The following FCRL2 variants were observed in gnomAD, a reference collection of about 807,000 sequenced individuals.
FCRL2 encodes the protein Fc receptor like 2, also known as Fc receptor-like protein 2.
FCRL2 carries 48 observed loss-of-function variants against 59.8 expected under a neutral mutation model. The ratio of observed to expected loss-of-function variants is 0.80; its 90% CI spans 0.64 to 1.02. The LOEUF is 1.02. FCRL2 is among the 50% of genes least tolerant of loss of function. The pLI, the probability that FCRL2 is intolerant of heterozygous loss-of-function variation, is 0.00. For missense variants in FCRL2, 658 were observed against 597.3 expected (o/e 1.10, Z -1.06); for synonymous variants, 251 against 229.5 (o/e 1.09, Z -0.85).
At chr1:157,764,584 G>T (rs1649357441) in intron 7 of FCRL2, among the ~76,000 whole-genome samples, 1 of 152,170 alleles carries the variant, frequency 6.6e-6, no homozygotes, top group African/African-American at 2.4e-5. Flanking sequence ...CACAAAACAA[G>T]TCTCAACAAA....
intron 7 of FCRL2, among the ~76,000 whole-genome samples, chr1:157,753,367 A>G (rs981985041): frequency 6.6e-6 from 1 of 152,206 alleles, no homozygotes; most frequent in African/African-American, 2.4e-5. Context: ...GGGGATTCCC[A>G]GGACTCTTTC....
At chr1:157,750,756 C>A (rs1395529696) in intron 7 of FCRL2, among the ~76,000 whole-genome samples, 4 of 152,194 alleles carry the variant, frequency 2.6e-5, no homozygotes, top group Non-Finnish European at 5.9e-5. Flanking sequence ...AAGTAAGGGG[C>A]AGTCAGTCAT....
intron 7 of FCRL2, among the ~76,000 whole-genome samples, chr1:157,753,985 TAAATA>T (rs1648393991): frequency 6.6e-6 from 1 of 152,102 alleles, no homozygotes; most frequent in Non-Finnish European, 1.5e-5. Flanking sequence ...AAAAGATAAT[TAAATA>T]AATCACATAG....
At chr1:157,761,803 A>G (rs992923230) in intron 7 of FCRL2, among the ~76,000 whole-genome samples, 3 of 152,162 alleles carry the variant, frequency 2.0e-5, no homozygotes, top group African/African-American at 7.2e-5. Context: ...CATTACAAAA[A>G]CATATAGTCA....
intron 2 of FCRL2, among the ~76,000 whole-genome samples, chr1:157,773,895 A>AC (rs1207343858): frequency 6.6e-6 from 1 of 152,014 alleles, no homozygotes; most frequent in Non-Finnish European, 1.5e-5. Context: ...AATCATGCTG[A>AC]CCCCCAGAGG....
At chr1:157,764,159 G>T (rs1416512860) in intron 7 of FCRL2, among the ~76,000 whole-genome samples, 1 of 151,840 alleles carries the variant, frequency 6.6e-6, no homozygotes, top group Non-Finnish European at 1.5e-5. Context: ...AGCAGAGATT[G>T]CGCCACCGCA....
chr1:157,768,807 T>C (rs927074821), intron 4 of FCRL2, 106 bp from the exon 5 acceptor site: 1 of 1,103,924 alleles, frequency 9.1e-7, no homozygotes, highest in Admixed American at 2.3e-5. Flanking sequence ...GGAGATTGTA[T>C]AGATAATCCA....
At chr1:157,765,891 A>T (rs1348919474) in intron 7 of FCRL2, among the ~76,000 whole-genome samples, 1 of 152,166 alleles carries the variant, frequency 6.6e-6, no homozygotes, top group Non-Finnish European at 1.5e-5. Flanking sequence ...TCATTATCAC[A>T]CTTGCTTTTT....
chr1:157,760,703 G>GAAAGAA (rs56194773), intron 7 of FCRL2, among the ~76,000 whole-genome samples: 1 of 79,030 alleles, frequency 1.3e-5, no homozygotes, highest in African/African-American at 5.6e-5. Flanking sequence ...AAGAAGGAAA[G>GAAAGAA]AAAGAAAGAA....
At chr1:157,759,966 C>T (rs886359840) in intron 7 of FCRL2, among the ~76,000 whole-genome samples, 3 of 152,114 alleles carry the variant, frequency 2.0e-5, no homozygotes, top group Admixed American at 6.5e-5. Context: ...GAATATAAAT[C>T]GTTCTACTGT....
intron 7 of FCRL2, among the ~76,000 whole-genome samples, chr1:157,758,297 G>C (rs1449516688): frequency 1.3e-5 from 2 of 152,146 alleles, no homozygotes; most frequent in African/African-American, 4.8e-5. Context: ...GTAGCAGAGA[G>C]GGGTAAAGAA....
intron 7 of FCRL2, among the ~76,000 whole-genome samples, chr1:157,750,237 T>G (rs1006566838): frequency 1.2e-4 from 18 of 152,342 alleles, no homozygotes; most frequent in African/African-American, 4.3e-4. Context: ...TTAGCATAGA[T>G]GTATCAGCTG....
At chr1:157,770,752 A>G in intron 2 of FCRL2, 86 bp from the exon 3 acceptor site, 7 of 1,417,848 alleles carry the variant, frequency 4.9e-6, no homozygotes, top group Admixed American at 2.1e-5. Flanking sequence ...TCTCAGGCAT[A>G]GCCTCTACTT....
chr1:157,754,049 A>AT (rs374870428), intron 7 of FCRL2, among the ~76,000 whole-genome samples: 22,654 of 152,200 alleles, frequency 0.15, 1,738 homozygotes, highest in East Asian at 0.23. Context: ...CTAGTTCAGT[A>AT]CCTATTGAAG....
chr1:157,767,466 G>A lies in FCRL2; in HGVS notation c.927C>T (p.Ala309=). The A allele has an allele frequency of 6.2e-7, 1 of 1,614,226 alleles. No homozygotes were observed. The highest frequency in any genetic ancestry group is 8.5e-7 in the Non-Finnish European group (1 of 1,180,034). The change falls in exon 6 of 12, where the codon GCC becomes GCT. Residue 309 remains alanine, a synonymous_variant. Coordinates refer to ENST00000361516, the MANE Select transcript of FCRL2 (RefSeq NM_030764.4). ...CCAGCAGGTCCCCCACTGCAGCCTG[G>A]GCCCCAGGAGACCTGAGGGTGAGGA... ...RPVLTLRSPG[A]QAAVGDLLEL...
rs374900957 is a variant in FCRL2 at position 157,768,544 on chromosome 1, T to A, written c.753A>T (p.Lys251Asn). Reference sequence around the variant, plus strand: ...GCTCTGCTGACAGGGAACGCTGGGTTTTCTTTCCCATACTGGTTCCTGTGG... The same window carrying A: ...GCTCTGCTGACAGGGAACGCTGGGTATTCTTTCCCATACTGGTTCCTGTGG... ...REATGTSMGK[K>N]TQRSLSAELE... The change falls in exon 5 of 12, where the codon AAA becomes AAT. Residue 251 changes from lysine to asparagine, a missense_variant. Physicochemically the swap from Lys to Asn is moderately conservative, Grantham distance 94. Transcript: ENST00000361516. 1.3e-5 allele frequency: 21 copies of A among 1,614,088 alleles called. No homozygotes were observed. Among genetic ancestry groups the A allele is most frequent in the Non-Finnish European group, 1.7e-5 (20 of 1,180,040 alleles).
At position 157,768,525 on chromosome 1, in the gene FCRL2, C is replaced by A; in HGVS notation, c.772G>T (p.Ala258Ser). The A allele has an allele frequency of 6.2e-7, 1 of 1,614,250 alleles. No individual in the cohort carries two copies. The highest frequency in any genetic ancestry group is 8.5e-7 in the Non-Finnish European group (1 of 1,180,038). ...MGKKTQRSLS[A>S]ELEIPAVKES... is the part of the protein sequence containing the mutation. ...TTCACAGCTGGGATCTCCAGCTCTG[C>A]TGACAGGGAACGCTGGGTTTTCTTT... Residue 258 changes from alanine (A) to serine (S), a missense_variant, in exon 5 of 12, where the codon GCA (alanine) becomes TCA (serine). Physicochemically the swap from Ala to Ser is moderately conservative, Grantham distance 99. Coordinates refer to ENST00000361516, the MANE Select transcript of FCRL2 (RefSeq NM_030764.4).
At chr1:157,769,789 A>AACAAAG (rs1649841459) in intron 4 of FCRL2, 77 bp downstream of exon 4, 2 of 1,506,540 alleles carry the variant, frequency 1.3e-6, no homozygotes, top group Admixed American at 3.9e-5. Flanking sequence ...TTGAACAAAG[A>AACAAAG]AACAGACTAG....
chr1:157,746,476 C>T lies in FCRL2; in HGVS notation c.*260G>A, dbSNP rs1647753866. The T allele has an allele frequency of 1.8e-6, 1 of 545,100 alleles. No individual in the cohort carries two copies. Among genetic ancestry groups the T allele is most frequent in the Non-Finnish European group, 3.3e-6 (1 of 304,254 alleles). The allele number at this position is 545,100 out of a possible 1,614,324, so 33.8% of individuals were successfully genotyped here. A position where few individuals can be genotyped will look rare whatever the true frequency, so the allele number is the denominator to read the frequency against. On this transcript the variant is annotated 3_prime_UTR_variant, in exon 12 of 12. Transcript: ENST00000361516. ...TTCATTCTTCCCTCAAATCTTTACA[C>T]ACTGATTGCTTAAGAGAAGGTAGCA... is the stretch of plus-strand genomic sequence containing the variant.
Sources: gnomAD v4.1 joint callset for allele counts (sites outside exome capture counted in the v4.1 genomes callset) on GRCh38, gnomAD v4.1.1 for gene constraint, MANE v1.5 for transcripts, NCBI Gene and HGNC (gene_info 2026-07-23, HGNC 2026-07-21) for gene names.